OAS2: variants seen among roughly 807,000 people sequenced by gnomAD.
The protein encoded by OAS2 is 2'-5'-oligoadenylate synthase 2.
In OAS2, 67 loss-of-function variants were observed where a neutral mutation model predicts 71.3. That is an observed-to-expected ratio of 0.94 (90% CI 0.77 to 1.15). The LOEUF (loss-of-function observed/expected upper bound fraction) is 1.15. OAS2 is among the 50% of genes most tolerant of loss of function. OAS2 has a pLI of 0.00. For synonymous variants in OAS2, 327 were observed against 321.8 expected (o/e 1.02, Z -0.17); for missense variants, 789 against 822.5 (o/e 0.96, Z 0.50).
chr12:112,981,195 T>C (rs1206538177), intron 1 of OAS2, among the ~76,000 whole-genome samples: 4 of 152,216 alleles, frequency 2.6e-5, no homozygotes, highest in African/African-American at 9.6e-5. Flanking sequence ...TTGTTCCCTT[T>C]GATGTGCAGA....
At chr12:112,982,799 A>G (rs1293772) in intron 1 of OAS2, among the ~76,000 whole-genome samples, 116,252 of 152,112 alleles carry the variant, frequency 0.76, 45,081 homozygotes, top group East Asian at 0.91. Context: ...AAAGCCATCT[A>G]GTCCTGGGCT....
intron 8 of OAS2, 57 bp from the exon 9 acceptor site, chr12:113,007,648 G>T (rs534288707): frequency 1.5e-5 from 21 of 1,417,194 alleles, no homozygotes; most frequent in Non-Finnish European, 2.1e-5. Flanking sequence ...GTCCCTGTGC[G>T]GCTCTCACTG....
chr12:112,988,727 C>T (rs952299769), intron 2 of OAS2: 33 of 985,228 alleles, frequency 3.3e-5, no homozygotes, highest in African/African-American at 7.0e-5. Context: ...CAAAGAATGG[C>T]GCATTCCTCC....
chr12:113,010,642 C>A lies in OAS2; in HGVS notation c.*1387C>A. 1 of 1,085,438 alleles carries A rather than the reference C, an allele frequency of 9.2e-7. No individual in the cohort carries two copies. The highest frequency in any genetic ancestry group is 1.2e-6 in the Non-Finnish European group (1 of 821,676). The allele number at this position is 1,085,438 out of a possible 1,614,324, so 67.2% of individuals were successfully genotyped here. On this transcript the variant is annotated 3_prime_UTR_variant, in exon 10 of 10. Coordinates refer to ENST00000392583, the MANE Select transcript of OAS2 (RefSeq NM_002535.3). ...AACCCTTTCATAAAGTCTTGCCTTG[C>A]TGAACTCCCTCTCTGCAGGCAGCCT...
At chr12:112,982,609 A>T (rs989533719) in intron 1 of OAS2, among the ~76,000 whole-genome samples, 2 of 152,142 alleles carry the variant, frequency 1.3e-5, no homozygotes, top group African/African-American at 4.8e-5. Flanking sequence ...ATCTATGTTC[A>T]TCAGGGATAT....
Position 112,987,409 on chromosome 12 carries a change from T to A in OAS2, c.448+101T>A, listed in dbSNP as rs1219100647. 3 of 1,510,506 alleles carry A rather than the reference T, an allele frequency of 2.0e-6. No homozygotes were observed. The Admixed American group carries it at 7.1e-5, about 36-fold the overall frequency. 93.6% of individuals were successfully genotyped at this position (1,510,506 alleles called of 1,614,324 possible). A position where few individuals can be genotyped will look rare whatever the true frequency, so the allele number is the denominator to read the frequency against. On this transcript the variant is annotated intron_variant, in intron 2 of 9. Transcript: ENST00000392583. ...TGAGTGGGATAGATACCACTGCTGC[T>A]TTAAAAAATGGGAGACCATAGACCC...
At chr12:112,997,359 C>T (rs1405193442) in intron 3 of OAS2, among the ~76,000 whole-genome samples, 161 bp from the exon 4 acceptor site, 1 of 152,114 alleles carries the variant, frequency 6.6e-6, no homozygotes, top group Admixed American at 6.5e-5. Context: ...CCCAGTTGTT[C>T]CACATCTTTG....
Position 113,003,045 on chromosome 12 carries a change from T to C in OAS2, c.1122T>C (p.Arg374=). The C allele has an allele frequency of 6.2e-7, 1 of 1,614,184 alleles. No homozygotes were observed. Among genetic ancestry groups the C allele is most frequent in the South Asian group, 1.1e-5 (1 of 91,090 alleles). The part of the protein sequence containing the change: ...EQIDSAVNII[R]TFLKENCFRQ... ...TTGACAGTGCTGTTAACATCATCCGTACATTCCTTAAAGAAAACTGCTTCC... is the reference window on the plus strand; with the variant it reads ...TTGACAGTGCTGTTAACATCATCCGCACATTCCTTAAAGAAAACTGCTTCC... Residue 374 remains arginine (R), a synonymous_variant, in exon 6 of 10, where the codon CGT becomes CGC. Transcript: ENST00000392583.
At chr12:112,992,601 T>C (rs2044201953) in intron 2 of OAS2, among the ~76,000 whole-genome samples, 1 of 152,076 alleles carries the variant, frequency 6.6e-6, no homozygotes, top group African/African-American at 2.4e-5. Flanking sequence ...TGAAGAACAA[T>C]TAGCCCAGGC....
At position 112,978,649 on chromosome 12, in the gene OAS2, A is replaced by G. The variant is rs940836009; in HGVS notation, c.41A>G (p.Gln14Arg). 10 of 1,614,200 alleles carry G rather than the reference A, an allele frequency of 6.2e-6. No homozygotes were observed. The highest frequency in any genetic ancestry group is 4.0e-5 in the African/African-American group (3 of 75,054). Residue 14 changes from glutamine (Q) to arginine (R), a missense_variant, in exon 1 of 10, where the codon CAG becomes CGG. Coordinates refer to ENST00000392583, the MANE Select transcript of OAS2 (RefSeq NM_002535.3). This position sits in a 1 kb window ranked among gnomAD's most constrained non-coding sequence, Gnocchi z 4.2. Reference sequence around the variant, plus strand: ...TCCCAGCTGTCCTCGGTGCCTGCTCAGAAGCTGGGTTGGTTTATCCAGGAA... The same window carrying G: ...TCCCAGCTGTCCTCGGTGCCTGCTCGGAAGCTGGGTTGGTTTATCCAGGAA... ...GESQLSSVPAQKLGWFIQEYL... is the reference protein window; with the variant it reads ...GESQLSSVPARKLGWFIQEYL...
In OAS2 at chr12:112,999,644, G is replaced by A. The variant is rs376209026; in HGVS notation, c.1008+1234G>A. Among the ~76,000 whole-genome samples, 11 of 152,268 alleles carry A rather than the reference G, an allele frequency of 7.2e-5. No individual in the cohort carries two copies. In the South Asian group the frequency reaches 8.3e-4, roughly 11 times the overall value. Reference sequence around the variant, plus strand: ...CAGGACGCTCTGAGCAGTCACCCCTGTGCCCACCCTAACCCCTACTTTCAC... The same window carrying A: ...CAGGACGCTCTGAGCAGTCACCCCTATGCCCACCCTAACCCCTACTTTCAC... On this transcript the variant is annotated intron_variant, in intron 5 of 9. Coordinates refer to ENST00000392583, the MANE Select transcript of OAS2 (RefSeq NM_002535.3).
chr12:113,007,382 G>A (rs752006808), intron 8 of OAS2, among the ~76,000 whole-genome samples: 1 of 152,228 alleles, frequency 6.6e-6, no homozygotes, highest in Non-Finnish European at 1.5e-5. Context: ...CTAAAATGCA[G>A]GTCATGCTGC....
chr12:112,986,522 T>C (rs1017157403), intron 1 of OAS2, among the ~76,000 whole-genome samples: 1 of 151,898 alleles, frequency 6.6e-6, no homozygotes, highest in East Asian at 1.9e-4. Flanking sequence ...GCAGGCAGAG[T>C]GGGCCCATCC....
chr12:113,010,604 A>C lies in OAS2; in HGVS notation c.*1349A>C. On this transcript the variant is annotated 3_prime_UTR_variant, in exon 10 of 10. Coordinates refer to ENST00000392583, the MANE Select transcript of OAS2 (RefSeq NM_002535.3). The stretch of plus-strand genomic sequence containing the variant: ...CTTGCTTCTTGGACTTCTTGAAATC[A>C]ATCAAGACTGCAAACCCTTTCATAA... 1 of 1,436,034 alleles carries C rather than the reference A, an allele frequency of 7.0e-7. No homozygotes were observed. The allele number at this position is 1,436,034 out of a possible 1,614,324, so 89.0% of individuals were successfully genotyped here.
At position 113,007,613 on chromosome 12, in the gene OAS2, A is replaced by C. The variant is rs554170863; in HGVS notation, c.1657-92A>C. ...CAGAGTGTGAGCACACCAGCACGAC[A>C]CTGTGACTCAGTTGCCTTGCTGTGG... On this transcript the variant is annotated intron_variant, in intron 8 of 9. Transcript: ENST00000392583. 159 of 1,014,156 alleles carry C rather than the reference A, an allele frequency of 1.6e-4. 1 individual carries two copies. Among genetic ancestry groups the C allele is most frequent in the Non-Finnish European group, 2.4e-4 (155 of 655,358 alleles). The allele number at this position is 1,014,156 out of a possible 1,614,324, so 62.8% of individuals were successfully genotyped here.
chr12:113,006,907 A>G (rs1436088878), intron 8 of OAS2, among the ~76,000 whole-genome samples: 1 of 152,126 alleles, frequency 6.6e-6, no homozygotes, highest in African/African-American at 2.4e-5. Flanking sequence ...ATGCCCACAC[A>G]TTGCCAATAG....
intron 5 of OAS2, among the ~76,000 whole-genome samples, chr12:113,000,169 A>G (rs893682322): frequency 4.6e-5 from 7 of 152,208 alleles, no homozygotes; most frequent in Non-Finnish European, 7.3e-5. Flanking sequence ...CCTCCATGCC[A>G]TGATCAAATT....
In OAS2 at chr12:112,994,360, A is replaced by ACAT. The variant is rs2044217817; in HGVS notation, c.449-936_449-935insCAT. On this transcript the variant is annotated intron_variant, in intron 2 of 9. Transcript: ENST00000392583. Reference sequence around the variant, plus strand: ...ATTGGCTTTCTATGTGGTGAGCAGCAGGACCTAGACTGAACCCCTGGTGTT... The same window carrying ACAT: ...ATTGGCTTTCTATGTGGTGAGCAGCACATGGACCTAGACTGAACCCCTGGTGTT... Among the ~76,000 whole-genome samples the ACAT allele has an allele frequency of 7.9e-5, 12 of 152,230 alleles. No homozygotes were observed. In the South Asian group the frequency reaches 8.3e-4, roughly 11 times the overall value.
chr12:112,997,653 T>A lies in OAS2; in HGVS notation c.761T>A (p.Leu254Gln). Reference protein sequence around the residue: ...IAEGVRTVLELIKCQEKLCIY... With the variant: ...IAEGVRTVLEQIKCQEKLCIY... ...GAAGGCGTCAGAACCGTACTGGAGC[T>A]GATCAAATGCCAGGAGAAGCTGTGT... Residue 254 changes from leucine (L) to glutamine (Q), a missense_variant, in exon 4 of 10, where the codon CTG becomes CAG. Transcript: ENST00000392583. 6.2e-7 allele frequency: 1 copy of A among 1,614,110 alleles called. No individual in the cohort carries two copies. Among genetic ancestry groups the A allele is most frequent in the Non-Finnish European group, 8.5e-7 (1 of 1,179,972 alleles).
Sources: allele counts gnomAD v4.1 joint callset (sites outside exome capture counted in the v4.1 genomes callset), GRCh38; gene constraint gnomAD v4.1.1; non-coding constraint Gnocchi (gnomAD v3.1); transcripts MANE v1.5; gene names NCBI Gene and HGNC (gene_info 2026-07-23, HGNC 2026-07-21).